Variants in SYNE3 observed in about 807,000 individuals in gnomAD.
SYNE3 encodes spectrin repeat containing nuclear envelope family member 3.
Under a neutral mutation model 111.2 loss-of-function variants are expected in SYNE3, and 100 were observed. The ratio of observed to expected loss-of-function variants is 0.90; its 90% CI spans 0.77 to 1.06. The LOEUF (loss-of-function observed/expected upper bound fraction) is 1.06. SYNE3 is among the 50% of genes least tolerant of loss of function. The pLI, the probability that SYNE3 is intolerant of heterozygous loss-of-function variation, is 0.00. For missense variants in SYNE3, 1,160 were observed against 1,240.3 expected, an observed-to-expected ratio of 0.94 and a Z score of 0.97; for synonymous variants, 547 against 533.9, an observed-to-expected ratio of 1.02 and a Z score of -0.34.
chr14:95,499,044 C>A (rs1328337830), intron 1 of SYNE3, among the ~76,000 whole-genome samples: 1 of 152,188 alleles, frequency 6.6e-6, no homozygotes, highest in Non-Finnish European at 1.5e-5. Flanking sequence ...GAGTTCTTGG[C>A]GGGAGTGAAT....
chr14:95,416,623 G>C lies in SYNE3; in HGVS notation c.*1203C>G, dbSNP rs1316550122. 1 of 152,300 alleles carries C rather than the reference G, an allele frequency of 6.6e-6. No individual in the cohort carries two copies. Among genetic ancestry groups the C allele is most frequent in the Non-Finnish European group, 1.5e-5 (1 of 68,096 alleles). The allele number at this position is 152,300 out of a possible 1,614,324, so 9.4% of individuals were successfully genotyped here. A position where few individuals can be genotyped will look rare whatever the true frequency, so the allele number is the denominator to read the frequency against. On this transcript the variant is annotated 3_prime_UTR_variant, in exon 18 of 18. Transcript: ENST00000682763. Reference sequence around the variant, plus strand: ...AGCTCGCCTACACCTGGCTGGAGAGGGCCTGGTTTTGGGTGGCCTGGGCCC... The same window carrying C: ...AGCTCGCCTACACCTGGCTGGAGAGCGCCTGGTTTTGGGTGGCCTGGGCCC...
At chr14:95,436,725 T>G in intron 15 of SYNE3, 95 bp downstream of exon 15, 1 of 1,411,090 alleles carries the variant, frequency 7.1e-7, no homozygotes, top group Non-Finnish European at 9.7e-7. Flanking sequence ...GCTCACAAAC[T>G]GTGGGTGTGT....
chr14:95,467,816 G>C lies in SYNE3; in HGVS notation c.296C>G (p.Thr99Ser). Residue 99 changes from threonine to serine, a missense_variant, in exon 3 of 18, where the codon ACC (threonine) becomes AGC (serine). By Grantham distance (58) the Thr-to-Ser change is moderately conservative. Transcript: ENST00000682763. ...DIKAQWEETV[T>S]YMTHCHSRIE... is the part of the protein sequence containing the mutation. The stretch of plus-strand genomic sequence containing the variant: ...CTACCTGTGACAGTGAGTCATGTAG[G>C]TGACTGTCTCCTCCCATTGGGCCTT... 6.2e-7 allele frequency: 1 copy of C among 1,614,192 alleles called. No individual in the cohort carries two copies. The highest frequency in any genetic ancestry group is 8.5e-7 in the Non-Finnish European group (1 of 1,180,038).
intron 2 of SYNE3, among the ~76,000 whole-genome samples, chr14:95,473,411 G>A (rs969984893): frequency 2.0e-5 from 3 of 152,124 alleles, no homozygotes; most frequent in Non-Finnish European, 4.4e-5. Context: ...CACAGGCAGG[G>A]CTGTGATGCT....
At position 95,488,188 on chromosome 14, in the gene SYNE3, A is replaced by G. The variant is rs192372595; in HGVS notation, c.-14-12353T>C. On this transcript the variant is annotated intron_variant, in intron 1 of 17. Coordinates refer to ENST00000682763, the MANE Select transcript of SYNE3 (RefSeq NM_152592.6). ...AGCAGTTAAGTTTTGGGGGATTCAA[A>G]AGTTAGACTTAAATTTTCAAGTGTG... 1.3e-3 allele frequency among the ~76,000 whole-genome samples: 203 copies of G among 152,286 alleles called. 1 individual carries two copies. Among genetic ancestry groups the G allele is most frequent in the Non-Finnish European group, 2.6e-4 (18 of 68,012 alleles).
At chr14:95,434,512 G>A (rs923270442) in intron 15 of SYNE3, among the ~76,000 whole-genome samples, 1 of 152,140 alleles carries the variant, frequency 6.6e-6, no homozygotes, top group Non-Finnish European at 1.5e-5. Context: ...TGGACCTTGT[G>A]TAGACTTGCA....
chr14:95,460,748 C>G (rs1049638808), intron 4 of SYNE3, among the ~76,000 whole-genome samples: 2 of 152,192 alleles, frequency 1.3e-5, no homozygotes, highest in Non-Finnish European at 2.9e-5. Flanking sequence ...TCAAAACTCT[C>G]CTGGAGCCTC....
chr14:95,440,560 T>C (rs1032526232), intron 11 of SYNE3, among the ~76,000 whole-genome samples: 3 of 152,148 alleles, frequency 2.0e-5, no homozygotes, highest in Non-Finnish European at 4.4e-5. Flanking sequence ...AAATACACGG[T>C]GGTATATTCA....
chr14:95,500,762 G>A lies in SYNE3; in HGVS notation c.-15+15834C>T, dbSNP rs1386066416. 6.6e-6 allele frequency among the ~76,000 whole-genome samples: 1 copy of A among 152,160 alleles called. No individual in the cohort carries two copies. The highest frequency in any genetic ancestry group is 2.4e-5 in the African/African-American group (1 of 41,428). On this transcript the variant is annotated intron_variant, in intron 1 of 17. Transcript: ENST00000682763. This position sits in a 1 kb window ranked among gnomAD's most constrained non-coding sequence, Gnocchi z 4.7. ...CTGGGTTGTCCCCAGCAGCCCCATAGCAGAGTCACTGACCCTTCCTGCTGC... is the reference window on the plus strand; with the variant it reads ...CTGGGTTGTCCCCAGCAGCCCCATAACAGAGTCACTGACCCTTCCTGCTGC...
chr14:95,511,575 C>A (rs1000710895), intron 1 of SYNE3, among the ~76,000 whole-genome samples: 1 of 151,826 alleles, frequency 6.6e-6, no homozygotes, highest in African/African-American at 2.4e-5. Context: ...ATTAGCTGGG[C>A]ATGGTGGCAT....
chr14:95,515,668 T>G (rs931747705), intron 1 of SYNE3, among the ~76,000 whole-genome samples: 3 of 151,974 alleles, frequency 2.0e-5, no homozygotes, highest in African/African-American at 7.2e-5. Flanking sequence ...TAGCAGCCCT[T>G]GGCTGTAGAA....
chr14:95,469,505 G>A (rs1001567369), intron 2 of SYNE3, among the ~76,000 whole-genome samples: 4 of 135,830 alleles, frequency 2.9e-5, no homozygotes, highest in African/African-American at 8.5e-5. Context: ...GACCAGCCTG[G>A]ACAACACAGT....
At chr14:95,422,466 A>C (rs1885180158) in intron 17 of SYNE3, among the ~76,000 whole-genome samples, 1 of 152,168 alleles carries the variant, frequency 6.6e-6, no homozygotes, top group South Asian at 2.1e-4. Flanking sequence ...GGCTCTTCCT[A>C]CTATCCCACG....
chr14:95,439,182 C>T lies in SYNE3; in HGVS notation c.2247-20G>A. The T allele has an allele frequency of 1.2e-6, 2 of 1,614,050 alleles. No homozygotes were observed. Among genetic ancestry groups the T allele is most frequent in the Non-Finnish European group, 1.7e-6 (2 of 1,179,956 alleles). On this transcript the variant is annotated intron_variant, in intron 13 of 17. Transcript: ENST00000682763. ...ATGAGGCTGAGAAGACAAACTCAGCCCAGTCAATGCAGAGATGTGGTGGGG... is the reference window on the plus strand; with the variant it reads ...ATGAGGCTGAGAAGACAAACTCAGCTCAGTCAATGCAGAGATGTGGTGGGG...
At position 95,445,955 on chromosome 14, in the gene SYNE3, C is replaced by G. The variant is rs1208420618; in HGVS notation, c.1586G>C (p.Arg529Thr). ...CAGGAGGCTGTTATGCAGCAGGTCT[C>G]TGTCCCTCATGGAACCTGCCACCTG... ...LEQVAGSMRD[R>T]DLLHNSLLQR... is the part of the protein sequence containing the mutation. The change falls in exon 9 of 18, where the codon AGA (arginine) becomes ACA (threonine). Residue 529 changes from arginine to threonine, a missense_variant. Coordinates refer to ENST00000682763, the MANE Select transcript of SYNE3 (RefSeq NM_152592.6). 1 of 1,614,058 alleles carries G rather than the reference C, an allele frequency of 6.2e-7. No individual in the cohort carries two copies. Among genetic ancestry groups the G allele is most frequent in the Non-Finnish European group, 8.5e-7 (1 of 1,180,060 alleles).
At chr14:95,461,289 GGC>G (rs1308097357) in intron 4 of SYNE3, among the ~76,000 whole-genome samples, 3 of 152,350 alleles carry the variant, frequency 2.0e-5, no homozygotes, top group African/African-American at 7.2e-5. Flanking sequence ...CTTCTGTGAG[GGC>G]CGCCACGGGA....
chr14:95,462,870 G>A (rs1887924661), intron 4 of SYNE3, among the ~76,000 whole-genome samples: 1 of 152,196 alleles, frequency 6.6e-6, no homozygotes, highest in Non-Finnish European at 1.5e-5. Flanking sequence ...TAAAAAATTA[G>A]TCCAAAAGGC....
intron 1 of SYNE3, among the ~76,000 whole-genome samples, chr14:95,509,751 C>T (rs1030855357): frequency 6.6e-6 from 1 of 152,240 alleles, no homozygotes; most frequent in South Asian, 2.1e-4. Context: ...ATCCAACCAG[C>T]CATGGTGGCC....
At chr14:95,461,694 C>A (rs2139459020) in intron 4 of SYNE3, among the ~76,000 whole-genome samples, 1 of 152,368 alleles carries the variant, frequency 6.6e-6, no homozygotes, top group South Asian at 2.1e-4. Flanking sequence ...TAACCTGAAC[C>A]TAGAGACCAA....
Sources: allele counts gnomAD v4.1 joint callset (sites outside exome capture counted in the v4.1 genomes callset), GRCh38; gene constraint gnomAD v4.1.1; non-coding constraint Gnocchi (gnomAD v3.1); transcripts MANE v1.5; gene names NCBI Gene and HGNC (gene_info 2026-07-23, HGNC 2026-07-21).